COX16: variants seen among roughly 807,000 people sequenced by gnomAD.
COX16 encodes cytochrome c oxidase assembly protein COX16 homolog, mitochondrial.
A neutral mutation model predicts 15.4 loss-of-function variants in COX16; 12 were observed. That is an observed-to-expected ratio of 0.78 (90% CI 0.50 to 1.26). The LOEUF (loss-of-function observed/expected upper bound fraction) is 1.26, where lower values mean the gene tolerates loss of function less well. Ranked by LOEUF, COX16 falls within the 50% of genes most tolerant of loss-of-function variation. The probability of loss-of-function intolerance (pLI) is 0.00; values close to 1 mark genes in which losing one functional copy is unlikely to be tolerated. For synonymous variants in COX16, 46 were observed against 41.1 expected (o/e 1.12, Z -0.46); for missense variants, 124 against 127.6 (o/e 0.97, Z 0.14).
chr14:70,353,458 A>G (rs1480281820), intron 1 of COX16, among the ~76,000 whole-genome samples: 1 of 147,530 alleles, frequency 6.8e-6, no homozygotes, highest in Non-Finnish European at 1.5e-5. Flanking sequence ...ACACACATAT[A>G]TAAATATATA....
chr14:70,333,821 G>A (rs761300543), intron 2 of COX16, among the ~76,000 whole-genome samples: 12 of 152,114 alleles, frequency 7.9e-5, no homozygotes, highest in Non-Finnish European at 1.5e-4. Flanking sequence ...AAAGATAAGA[G>A]GCTAAGAGCA....
At chr14:70,359,199 C>CT in intron 1 of COX16, 1 of 491,654 alleles carries the variant, frequency 2.0e-6, no homozygotes, top group Non-Finnish European at 4.0e-6. Flanking sequence ...ACTGAATTCT[C>CT]TGAGCTTCAA....
At chr14:70,348,750 GTTT>G (rs1235300291) in intron 1 of COX16, among the ~76,000 whole-genome samples, 8 of 152,126 alleles carry the variant, frequency 5.3e-5, no homozygotes, top group Non-Finnish European at 2.9e-5. Flanking sequence ...AAAGAACAAG[GTTT>G]TTTAACTGCA....
chr14:70,344,156 G>A (rs1316124919), intron 1 of COX16, among the ~76,000 whole-genome samples: 1 of 152,236 alleles, frequency 6.6e-6, no homozygotes, highest in Non-Finnish European at 1.5e-5. Flanking sequence ...AAGAACTGAT[G>A]TTAGGTTTTA....
At chr14:70,327,413 CCAGA>C (rs963812989) in intron 3 of COX16, among the ~76,000 whole-genome samples, 5 of 152,020 alleles carry the variant, frequency 3.3e-5, no homozygotes, top group African/African-American at 9.7e-5. Context: ...AAATCTACTC[CCAGA>C]CAAACTCTTC....
intron 2 of COX16, among the ~76,000 whole-genome samples, chr14:70,339,524 A>C (rs1161714817): frequency 6.6e-6 from 1 of 152,086 alleles, no homozygotes; most frequent in African/African-American, 2.4e-5. Context: ...TTCTCAACTG[A>C]ACCCATCCTC....
intron 1 of COX16, among the ~76,000 whole-genome samples, chr14:70,352,935 C>A (rs1168304933): frequency 6.6e-6 from 1 of 151,920 alleles, no homozygotes; most frequent in Non-Finnish European, 1.5e-5. Context: ...TATGTGGTAA[C>A]CTTAAAAGAT....
intron 2 of COX16, among the ~76,000 whole-genome samples, chr14:70,335,523 GCAAT>G (rs1326387692): frequency 6.7e-6 from 1 of 148,312 alleles, no homozygotes; most frequent in Non-Finnish European, 1.5e-5. Flanking sequence ...AATAAAAATA[GCAAT>G]CAATAACAAG....
chr14:70,327,178 A>C (rs1886107985), intron 3 of COX16, among the ~76,000 whole-genome samples: 1 of 152,240 alleles, frequency 6.6e-6, no homozygotes, highest in Non-Finnish European at 1.5e-5. Context: ...GTGAAAACAT[A>C]GGATAGCTTA....
intron 1 of COX16, among the ~76,000 whole-genome samples, chr14:70,353,448 A>G (rs1355192745): frequency 6.7e-6 from 1 of 149,106 alleles, no homozygotes; most frequent in Non-Finnish European, 1.5e-5. Flanking sequence ...ACATATATAT[A>G]CACACATATA....
chr14:70,330,660 T>C (rs1213912828), intron 2 of COX16, among the ~76,000 whole-genome samples: 1 of 152,202 alleles, frequency 6.6e-6, no homozygotes, highest in Non-Finnish European at 1.5e-5. Context: ...AATTTGGAAA[T>C]CACAATGTAA....
At chr14:70,347,493 G>A (rs750446451) in intron 1 of COX16, among the ~76,000 whole-genome samples, 12 of 152,024 alleles carry the variant, frequency 7.9e-5, no homozygotes, top group South Asian at 4.1e-4. Flanking sequence ...CACCTGGTGC[G>A]TACTACCTCA....
In COX16 at chr14:70,329,826, G is replaced by C. The variant is rs180911664; in HGVS notation, c.142-590C>G. Among the ~76,000 whole-genome samples, 476 of 150,174 alleles carry C rather than the reference G, an allele frequency of 3.2e-3. 4 individuals are homozygous for C. The highest frequency in any genetic ancestry group is 0.011 in the African/African-American group (456 of 41,118). ...GCAAAGCCTTCAGGAAAAAGAGTAT[G>C]ATGGCTGAAATCAATAAACAACAAC... On this transcript the variant is annotated intron_variant, in intron 2 of 3. Transcript: ENST00000389912.
intron 1 of COX16, among the ~76,000 whole-genome samples, chr14:70,353,181 A>C (rs922405527): frequency 2.0e-5 from 3 of 150,996 alleles, no homozygotes; most frequent in African/African-American, 7.3e-5. Flanking sequence ...GAATCGCTTG[A>C]ATCTGGGAGG....
intron 1 of COX16, among the ~76,000 whole-genome samples, chr14:70,351,231 T>G (rs531595591): frequency 3.9e-5 from 6 of 152,194 alleles, no homozygotes; most frequent in African/African-American, 1.4e-4. Context: ...CATCAATCCA[T>G]GTATAAGCAC....
At chr14:70,354,496 G>A (rs910792741) in intron 1 of COX16, among the ~76,000 whole-genome samples, 2 of 152,098 alleles carry the variant, frequency 1.3e-5, no homozygotes, top group Admixed American at 1.3e-4. Context: ...CCTATATAAT[G>A]AAACCCCAGT....
chr14:70,332,989 C>T (rs6573953), intron 2 of COX16, among the ~76,000 whole-genome samples: 105,829 of 152,060 alleles, frequency 0.7, 37,068 homozygotes, highest in East Asian at 0.93. Context: ...ATAAGACTCA[C>T]GGCAAGCCTG....
chr14:70,342,689 G>C lies in COX16; in HGVS notation c.110C>G (p.Ser37Cys), dbSNP rs1886659320. 2 of 1,612,892 alleles carry C rather than the reference G, an allele frequency of 1.2e-6. No individual in the cohort carries two copies. Among genetic ancestry groups the C allele is most frequent in the African/African-American group, 2.7e-5 (2 of 74,828 alleles). ...VGGSFGLREFSQIRYDAVKSK... is the reference protein window; with the variant it reads ...VGGSFGLREFCQIRYDAVKSK... ...CTTCACAGCATCATATCGGATTTGA[G>C]AAAACTCACGAAGACCAAAAGAACC... The change falls in exon 2 of 4, where the codon TCT becomes TGT. Residue 37 changes from serine (S) to cysteine (C), a missense_variant. Coordinates refer to ENST00000389912, the MANE Select transcript of COX16 (RefSeq NM_016468.7).
chr14:70,355,505 G>A (rs930399298), intron 1 of COX16, among the ~76,000 whole-genome samples: 2 of 152,054 alleles, frequency 1.3e-5, no homozygotes, highest in African/African-American at 2.4e-5. Flanking sequence ...GATCAAGCAC[G>A]AATCCCAGTA....
Sources: gnomAD v4.1 joint callset for allele counts (sites outside exome capture counted in the v4.1 genomes callset) on GRCh38, gnomAD v4.1.1 for gene constraint, MANE v1.5 for transcripts, NCBI Gene and HGNC (gene_info 2026-07-23, HGNC 2026-07-21) for gene names.